The following RBFOX3 variants were observed in gnomAD, a reference collection of about 807,000 sequenced individuals.
RBFOX3 encodes the protein RNA binding fox-1 homolog 3, also known as RNA binding protein fox-1 homolog 3.
RBFOX3 carries 17 observed loss-of-function variants against 48.7 expected under a neutral mutation model. The observed-to-expected ratio is 0.35, with a 90% CI of 0.24 to 0.52. The LOEUF (loss-of-function observed/expected upper bound fraction) is 0.52, where lower values mean the gene tolerates loss of function less well. Ranked by LOEUF, RBFOX3 falls within the 20% of genes least tolerant of loss-of-function variation. The pLI, the probability that RBFOX3 is intolerant of heterozygous loss-of-function variation, is 0.94. For missense variants in RBFOX3, 382 were observed against 497.5 expected, an observed-to-expected ratio of 0.77 and a Z score of 2.21; for synonymous variants, 212 against 209.5, an observed-to-expected ratio of 1.01 and a Z score of -0.10.
chr17:79,656,477 G>T, the RBFOX3 span, among the ~76,000 whole-genome samples: 1 of 151,998 alleles, frequency 6.6e-6, no homozygotes, highest in African/African-American at 2.4e-5. Flanking sequence ...AGCCGGACAT[G>T]GTGGCGTGTG....
intron 1 of RBFOX3, among the ~76,000 whole-genome samples, chr17:79,500,249 A>ATTT (rs2082207480): frequency 7.6e-6 from 1 of 131,542 alleles, no homozygotes; most frequent in African/African-American, 3.0e-5. Context: ...AAGAGAAATG[A>ATTT]CTTTTTTTTT....
upstream of RBFOX3, among the ~76,000 whole-genome samples, chr17:79,611,130 T>TCTCTCCCTCTCTCTCTCTCTCTC (rs1491548376): frequency 5.3e-5 from 2 of 37,844 alleles, no homozygotes; most frequent in Non-Finnish European, 8.5e-5. Flanking sequence ...TCCGCCCTCC[T>TCTCTCCCTCTCTCTCTCTCTCTC]TCTCTCTCTC....
the RBFOX3 span, among the ~76,000 whole-genome samples, chr17:79,616,860 G>T: frequency 6.6e-6 from 1 of 152,172 alleles, no homozygotes; most frequent in South Asian, 2.1e-4. Context: ...GCACCTGTCC[G>T]GGCTCCATGG....
rs967166008 is a variant in RBFOX3, at chr17:79,103,389, G to A, written c.415-135C>T. On this transcript the variant is annotated intron_variant, in intron 7 of 14. Coordinates refer to ENST00000693108, the MANE Select transcript of RBFOX3 (RefSeq NM_001350451.2). The surrounding 1 kb of genome is among the most constrained non-coding windows in gnomAD (Gnocchi z 6.1). Reference sequence around the variant, plus strand: ...AGAGAGAGAAGGGGTTGAGTCAGGTGAGTTGAGGCAGAGACGCAGGCAGCC... The same window carrying A: ...AGAGAGAGAAGGGGTTGAGTCAGGTAAGTTGAGGCAGAGACGCAGGCAGCC... 3 of 676,456 alleles carry A rather than the reference G, an allele frequency of 4.4e-6. No homozygotes were observed. Among genetic ancestry groups the A allele is most frequent in the African/African-American group, 3.5e-5 (2 of 56,352 alleles). 41.9% of individuals were successfully genotyped at this position (676,456 alleles called of 1,614,324 possible).
At chr17:79,420,135 AC>A (rs1555721404) in intron 2 of RBFOX3, among the ~76,000 whole-genome samples, 3 of 54,876 alleles carry the variant, frequency 5.5e-5, no homozygotes, top group African/African-American at 1.7e-4. Flanking sequence ...TCATACACAC[AC>A]ACACACACAC....
At chr17:79,425,429 C>G (rs1478426379) in intron 2 of RBFOX3, among the ~76,000 whole-genome samples, 2 of 152,214 alleles carry the variant, frequency 1.3e-5, no homozygotes, top group Admixed American at 1.3e-4. Flanking sequence ...CAACTGCCTG[C>G]ACTCCCCAGA....
chr17:79,631,503 G>A, the RBFOX3 span, among the ~76,000 whole-genome samples: 1 of 152,178 alleles, frequency 6.6e-6, no homozygotes, highest in African/African-American at 2.4e-5. Flanking sequence ...AGACCAGGAA[G>A]ACATCCACCT....
the RBFOX3 span, among the ~76,000 whole-genome samples, chr17:79,639,170 T>A: frequency 6.6e-6 from 1 of 151,976 alleles, no homozygotes; most frequent in Non-Finnish European, 1.5e-5. Context: ...TATTTTTTTA[T>A]TTTTTATTGT....
chr17:79,095,688 C>A, intron 12 of RBFOX3, 114 bp from the exon 13 acceptor site: 7 of 851,834 alleles, frequency 8.2e-6, no homozygotes, highest in South Asian at 1.7e-5. Flanking sequence ...GGAGGGACTA[C>A]AGACCTTCCC....
rs117114718 is a variant in RBFOX3, at chr17:79,406,778, C to T, written c.-175+75676G>A. On this transcript the variant is annotated intron_variant, in intron 2 of 14. Coordinates refer to ENST00000693108, the MANE Select transcript of RBFOX3 (RefSeq NM_001350451.2). ...TGTGTTTGTTTAACTGGCTTGCCCCCGCCATGGGAAAGGGTGACTCCCTAC... is the reference window on the plus strand; with the variant it reads ...TGTGTTTGTTTAACTGGCTTGCCCCTGCCATGGGAAAGGGTGACTCCCTAC... Among the ~76,000 whole-genome samples, 1,485 of 152,280 alleles carry T rather than the reference C, an allele frequency of 9.8e-3. 12 individuals carry two copies. Among genetic ancestry groups the T allele is most frequent in the Non-Finnish European group, 0.016 (1,090 of 68,020 alleles).
chr17:79,130,927 C>G (rs1415253322), intron 4 of RBFOX3, among the ~76,000 whole-genome samples: 1 of 152,264 alleles, frequency 6.6e-6, no homozygotes, highest in South Asian at 2.1e-4. Context: ...GGACACGGTG[C>G]GCGGGAATCA....
intron 4 of RBFOX3, among the ~76,000 whole-genome samples, chr17:79,200,183 A>AAAAAT (rs1555603339): frequency 6.6e-6 from 1 of 151,262 alleles, no homozygotes; most frequent in South Asian, 2.1e-4. Flanking sequence ...AAAAAAAAAA[A>AAAAAT]TTGGGAGAAA....
rs940680437 is a variant in RBFOX3 at position 79,115,677 on chromosome 17, C to T, written c.39G>A (p.Pro13=). The T allele has an allele frequency of 6.2e-5, 20 of 324,770 alleles. No homozygotes were observed. In the Admixed American group the frequency reaches 1.4e-3, roughly 22 times the overall value. The allele number at this position is 324,770 out of a possible 1,614,324, so 20.1% of individuals were successfully genotyped here. ...QPYPPAQYPP[P]PQNGIPAEYA... is the part of the protein sequence containing the mutation. ...ACTCGGCAGGGATGCCGTTCTGTGGCGGAGGGGGGTACTGGGCGGGGGGGT... is the reference window on the plus strand; with the variant it reads ...ACTCGGCAGGGATGCCGTTCTGTGGTGGAGGGGGGTACTGGGCGGGGGGGT... Residue 13 remains proline, a synonymous_variant, in exon 5 of 15, where the codon CCG becomes CCA. Transcript: ENST00000693108.
In RBFOX3 at chr17:79,535,936, G is replaced by T. The variant is rs1343155789; in HGVS notation, c.-319-53338C>A. 2.0e-5 allele frequency among the ~76,000 whole-genome samples: 3 copies of T among 152,074 alleles called. No individual in the cohort carries two copies. The highest frequency in any genetic ancestry group is 4.8e-5 in the African/African-American group (2 of 41,390). On this transcript the variant is annotated intron_variant, in intron 1 of 14. Coordinates refer to ENST00000693108, the MANE Select transcript of RBFOX3 (RefSeq NM_001350451.2). The surrounding 1 kb of genome is among the most constrained non-coding windows in gnomAD (Gnocchi z 4.5). ...CCTGCCCGTGACCAGTAGCGGCAGGGTCATCTCCACAGGCCCCTCCCTCCC... is the reference window on the plus strand; with the variant it reads ...CCTGCCCGTGACCAGTAGCGGCAGGTTCATCTCCACAGGCCCCTCCCTCCC...
intron 4 of RBFOX3, among the ~76,000 whole-genome samples, chr17:79,145,515 C>T (rs991378234): frequency 1.3e-5 from 2 of 152,340 alleles, no homozygotes; most frequent in South Asian, 2.1e-4. Context: ...ACCTGCTCTC[C>T]GTGTTCTCCG....
intron 3 of RBFOX3, among the ~76,000 whole-genome samples, chr17:79,289,135 C>T (rs992037970): frequency 6.6e-5 from 10 of 152,316 alleles, no homozygotes; most frequent in Admixed American, 2.6e-4. Context: ...CCAAAAGACA[C>T]GCCCCTATGC....
At chr17:79,190,688 T>C (rs900913066) in intron 4 of RBFOX3, among the ~76,000 whole-genome samples, 41 of 152,336 alleles carry the variant, frequency 2.7e-4, no homozygotes, top group African/African-American at 9.4e-4. Context: ...ACAAACCTTT[T>C]CCGTCTTAAT....
intron 4 of RBFOX3, among the ~76,000 whole-genome samples, chr17:79,189,286 CAG>C (rs1489631271): frequency 6.6e-6 from 1 of 152,208 alleles, no homozygotes; most frequent in Admixed American, 6.5e-5. Context: ...TTTAGGATCA[CAG>C]AGGTGGTCCA....
At chr17:79,439,924 G>GCA (rs2070489967) in intron 2 of RBFOX3, among the ~76,000 whole-genome samples, 1 of 152,210 alleles carries the variant, frequency 6.6e-6, no homozygotes, top group African/African-American at 2.4e-5. Flanking sequence ...GTAGGAGAAG[G>GCA]CACACATGTG....
Sources: gnomAD v4.1 joint callset for allele counts (sites outside exome capture counted in the v4.1 genomes callset) on GRCh38, gnomAD v4.1.1 for gene constraint, Gnocchi (gnomAD v3.1) non-coding constraint, MANE v1.5 for transcripts, NCBI Gene and HGNC (gene_info 2026-07-23, HGNC 2026-07-21) for gene names.